MAGI3: variants seen among roughly 807,000 people sequenced by gnomAD.
The protein encoded by MAGI3 is membrane associated guanylate kinase, WW and PDZ domain containing 3.
A neutral mutation model predicts 121.8 loss-of-function variants in MAGI3; 43 were observed. The observed-to-expected ratio is 0.35, with a 90% CI of 0.28 to 0.46. The LOEUF (loss-of-function observed/expected upper bound fraction) is 0.46, where lower values mean the gene tolerates loss of function less well. MAGI3 is among the 20% of genes least tolerant of loss of function. The probability of loss-of-function intolerance (pLI) is 1.00; values close to 1 mark genes in which losing one functional copy is unlikely to be tolerated. For missense variants in MAGI3, 1,547 were observed against 1,797.3 expected, an observed-to-expected ratio of 0.86 and a Z score of 2.52; for synonymous variants, 553 against 639.3, an observed-to-expected ratio of 0.86 and a Z score of 2.04.
At chr1:113,529,084 T>C (rs955964938) in intron 1 of MAGI3, among the ~76,000 whole-genome samples, 2 of 152,244 alleles carry the variant, frequency 1.3e-5, no homozygotes, top group Non-Finnish European at 2.9e-5. Context: ...CACTATATTA[T>C]AAAGTATAGT....
In MAGI3 at chr1:113,650,994, G is replaced by C; in HGVS notation, c.2248-20G>C. ...TAAACTTTACACTGTGGACCAAACTGTACTTTGTTATCTTATCAGATATAT... is the reference window on the plus strand; with the variant it reads ...TAAACTTTACACTGTGGACCAAACTCTACTTTGTTATCTTATCAGATATAT... On this transcript the variant is annotated intron_variant, in intron 13 of 20. Coordinates refer to ENST00000307546, the MANE Select transcript of MAGI3 (RefSeq NM_001142782.2). 3.1e-6 allele frequency: 5 copies of C among 1,607,458 alleles called. No individual in the cohort carries two copies. Among genetic ancestry groups the C allele is most frequent in the Non-Finnish European group, 4.3e-6 (5 of 1,175,838 alleles).
intron 1 of MAGI3, among the ~76,000 whole-genome samples, chr1:113,494,490 C>T (rs1229288334): frequency 6.6e-6 from 1 of 151,990 alleles, no homozygotes; most frequent in Non-Finnish European, 1.5e-5. Flanking sequence ...GCATGTGTAC[C>T]CTTGAACTTA....
At chr1:113,583,031 T>C (rs1648133085) in intron 3 of MAGI3, among the ~76,000 whole-genome samples, 1 of 151,734 alleles carries the variant, frequency 6.6e-6, no homozygotes, top group African/African-American at 2.4e-5. Flanking sequence ...TGAAAATCTT[T>C]GTCAGTAACT....
In MAGI3 at chr1:113,437,845, CT is replaced by C. The variant is rs1557756921; in HGVS notation, c.316+46498del. ...TCTTCTTCTTCTTCTTCTTCTTCTT[CT>C]TCTTCTTCTTCTTCTTCCTCTTCTT... On this transcript the variant is annotated intron_variant, in intron 1 of 20. Transcript: ENST00000307546. 8.4e-3 allele frequency among the ~76,000 whole-genome samples: 506 copies of C among 60,528 alleles called. 10 individuals are homozygous for C. Among genetic ancestry groups the C allele is most frequent in the African/African-American group, 0.024 (319 of 13,518 alleles). The allele number at this position is 60,528 out of a possible 152,430, so 39.7% of individuals were successfully genotyped here. A position where few individuals can be genotyped will look rare whatever the true frequency, so the allele number is the denominator to read the frequency against.
Position 113,642,227 on chromosome 1 carries a change from A to T in MAGI3, c.1677A>T (p.Ala559=). The T allele has an allele frequency of 1.6e-5, 26 of 1,614,180 alleles. No individual in the cohort carries two copies. The highest frequency in any genetic ancestry group is 2.2e-5 in the Non-Finnish European group (26 of 1,180,032). The part of the protein sequence containing the change: ...TGDGLNGPSD[A]SEQRVSMASS... ...ATGGTCTCAATGGACCATCAGATGC[A>T]AGTGAGCAGAGAGTATCCATGGCAT... is the stretch of plus-strand genomic sequence containing the variant. Residue 559 remains alanine (A), a synonymous_variant, in exon 10 of 21, where the codon GCA becomes GCT. Transcript: ENST00000307546.
At chr1:113,447,848 G>A (rs952136875) in intron 1 of MAGI3, among the ~76,000 whole-genome samples, 11 of 146,542 alleles carry the variant, frequency 7.5e-5, no homozygotes, top group Admixed American at 7.0e-4. Flanking sequence ...GAACAAGACT[G>A]TGTCTCAAAA....
chr1:113,476,309 ATGT>A (rs1285681696), intron 1 of MAGI3, among the ~76,000 whole-genome samples: 4 of 151,848 alleles, frequency 2.6e-5, no homozygotes, highest in African/African-American at 9.7e-5. Flanking sequence ...TTTAATTGTG[ATGT>A]TAGGGTGTCA....
intron 1 of MAGI3, among the ~76,000 whole-genome samples, chr1:113,510,668 T>C (rs1657571403): frequency 6.6e-6 from 1 of 152,230 alleles, no homozygotes; most frequent in African/African-American, 2.4e-5. Flanking sequence ...CTCCAACATC[T>C]TATGTTGTAT....
intron 2 of MAGI3, among the ~76,000 whole-genome samples, chr1:113,556,169 AAAG>A (rs779989584): frequency 3.9e-5 from 6 of 152,174 alleles, no homozygotes; most frequent in African/African-American, 4.8e-5. Flanking sequence ...AGAATCTTAA[AAAG>A]AAGGAGGAAA....
intron 1 of MAGI3, among the ~76,000 whole-genome samples, chr1:113,493,134 A>G (rs1157105953): frequency 1.3e-5 from 2 of 152,136 alleles, no homozygotes; most frequent in Non-Finnish European, 1.5e-5. Context: ...TACCTGACTT[A>G]AAACCGTACT....
intron 9 of MAGI3, among the ~76,000 whole-genome samples, chr1:113,639,349 C>T (rs376074903): frequency 5.4e-4 from 83 of 152,316 alleles, no homozygotes; most frequent in Non-Finnish European, 8.5e-4. Context: ...AACTGTAGAC[C>T]GGAGCTGTTC....
intron 1 of MAGI3, among the ~76,000 whole-genome samples, chr1:113,487,535 C>G (rs1288170990): frequency 1.3e-5 from 2 of 151,736 alleles, no homozygotes; most frequent in African/African-American, 4.8e-5. Context: ...GAACACTAGG[C>G]ATAAATGTAT....
chr1:113,590,775 C>A, intron 5 of MAGI3, 117 bp downstream of exon 5: 2 of 923,170 alleles, frequency 2.2e-6, no homozygotes, highest in South Asian at 2.2e-5. Flanking sequence ...TTTTTTCTTT[C>A]TTTAAAAATA....
chr1:113,513,942 AC>A (rs1422081029), intron 1 of MAGI3, among the ~76,000 whole-genome samples: 4 of 151,918 alleles, frequency 2.6e-5, no homozygotes, highest in Admixed American at 6.6e-5. Flanking sequence ...GAAAAAAACA[AC>A]CCCATCAAAA....
chr1:113,427,307 C>T (rs6669378), intron 1 of MAGI3, among the ~76,000 whole-genome samples: 2,148 of 152,320 alleles, frequency 0.014, 38 homozygotes, highest in African/African-American at 0.049. Context: ...GAAGGAATCC[C>T]TCTTGCCAGT....
intron 1 of MAGI3, among the ~76,000 whole-genome samples, chr1:113,513,329 A>T (rs1657713887): frequency 6.6e-6 from 1 of 152,194 alleles, no homozygotes; most frequent in Non-Finnish European, 1.5e-5. Flanking sequence ...GTCAATCCTA[A>T]GCCAAAAGAA....
chr1:113,416,424 TAA>T (rs1415764468), intron 1 of MAGI3, among the ~76,000 whole-genome samples: 1 of 127,678 alleles, frequency 7.8e-6, no homozygotes, highest in South Asian at 2.3e-4. Context: ...TAATAATTAA[TAA>T]TATATATTAA....
intron 1 of MAGI3, among the ~76,000 whole-genome samples, chr1:113,513,395 A>G (rs1018822350): frequency 3.9e-5 from 6 of 152,222 alleles, no homozygotes; most frequent in Non-Finnish European, 7.3e-5. Context: ...GGCTACAGTG[A>G]CCAAAACAGC....
intron 1 of MAGI3, among the ~76,000 whole-genome samples, chr1:113,395,933 T>C (rs1251068411): frequency 1.3e-5 from 2 of 152,192 alleles, no homozygotes; most frequent in Admixed American, 6.5e-5. Context: ...CTGATTTTCA[T>C]GTAACATAAC....
Sources: allele counts gnomAD v4.1 joint callset (sites outside exome capture counted in the v4.1 genomes callset), GRCh38; gene constraint gnomAD v4.1.1; transcripts MANE v1.5; gene names NCBI Gene and HGNC (gene_info 2026-07-23, HGNC 2026-07-21).